FYB1: variants seen among roughly 807,000 people sequenced by gnomAD.
FYB1 encodes FYN binding protein 1.
A neutral mutation model predicts 94.1 loss-of-function variants in FYB1; 41 were observed. That is an observed-to-expected ratio of 0.44 (90% CI 0.34 to 0.57). The LOEUF is 0.57. FYB1 is among the 20% of genes least tolerant of loss of function. FYB1 has a pLI of 0.02. For synonymous variants in FYB1, 367 were observed against 353.2 expected (o/e 1.04, Z -0.44); for missense variants, 1,050 against 976.8 (o/e 1.07, Z -1.00).
chr5:39,145,660 T>A (rs1167752084), intron 3 of FYB1, among the ~76,000 whole-genome samples: 4 of 152,186 alleles, frequency 2.6e-5, no homozygotes, highest in Non-Finnish European at 5.9e-5. Flanking sequence ...TACACTGACA[T>A]TGTACAGAGT....
At chr5:39,138,617 C>A in intron 6 of FYB1, 40 bp downstream of exon 6, 1 of 1,308,628 alleles carries the variant, frequency 7.6e-7, no homozygotes, top group Non-Finnish European at 1.1e-6. Flanking sequence ...TTATATTCAT[C>A]TTTGAAGAAA....
intron 1 of FYB1, among the ~76,000 whole-genome samples, chr5:39,233,985 A>G (rs895404053): frequency 2.0e-5 from 3 of 152,164 alleles, no homozygotes; most frequent in Non-Finnish European, 4.4e-5. Context: ...TGACATTTTG[A>G]GAACCACTGC....
upstream of FYB1, among the ~76,000 whole-genome samples, chr5:39,223,583 C>T (rs1404662219): frequency 6.6e-6 from 1 of 152,194 alleles, no homozygotes; most frequent in East Asian, 1.9e-4. Flanking sequence ...ATCAAGCTAA[C>T]ACCTCAGTGC....
chr5:39,256,114 GC>G (rs1488604409), intron 1 of FYB1, among the ~76,000 whole-genome samples: 1 of 152,186 alleles, frequency 6.6e-6, no homozygotes, highest in Non-Finnish European at 1.5e-5. Context: ...ACAGATCTTA[GC>G]AATGGAAAGG....
intron 3 of FYB1, among the ~76,000 whole-genome samples, chr5:39,151,132 T>C (rs766251716): frequency 6.6e-6 from 1 of 152,124 alleles, no homozygotes; most frequent in Non-Finnish European, 1.5e-5. Flanking sequence ...TTCTATTAGG[T>C]TGGTGCAAAA....
At chr5:39,199,251 G>T (rs1036972847) in intron 2 of FYB1, among the ~76,000 whole-genome samples, 5 of 151,950 alleles carry the variant, frequency 3.3e-5, no homozygotes, top group African/African-American at 1.2e-4. Context: ...TATATAAAAT[G>T]AACATATACT....
intron 1 of FYB1, among the ~76,000 whole-genome samples, chr5:39,247,780 G>A (rs1751546262): frequency 1.3e-5 from 2 of 151,526 alleles, no homozygotes; most frequent in South Asian, 4.2e-4. Context: ...TGAGCATCTA[G>A]TATATGCCAG....
intron 1 of FYB1, chr5:39,270,712 A>G (rs892752214): frequency 1.5e-5 from 9 of 617,042 alleles, no homozygotes; most frequent in African/African-American, 7.4e-5. Context: ...ACACATTGAT[A>G]TGTGAGGCTA....
intron 2 of FYB1, chr5:39,169,202 C>A (rs1745017248): frequency 1.1e-6 from 1 of 892,454 alleles, no homozygotes; most frequent in African/African-American, 1.6e-5. Context: ...AACATCTGGG[C>A]TCAGTTCATT....
intron 1 of FYB1, chr5:39,211,028 T>G (rs541833602): frequency 4.6e-5 from 7 of 152,328 alleles, no homozygotes; most frequent in Admixed American, 2.0e-4. Flanking sequence ...TTATTCTATT[T>G]TACAATTTTT....
intron 3 of FYB1, among the ~76,000 whole-genome samples, chr5:39,141,610 C>A (rs1364231546): frequency 2.0e-5 from 3 of 152,022 alleles, no homozygotes; most frequent in Non-Finnish European, 2.9e-5. Flanking sequence ...GGCAACAGGG[C>A]AAAACACCGT....
At chr5:39,222,808 C>A (rs892842564), upstream of FYB1, among the ~76,000 whole-genome samples, 1 of 151,998 alleles carries the variant, frequency 6.6e-6, no homozygotes, top group Non-Finnish European at 1.5e-5. Flanking sequence ...AATCTTTGCT[C>A]ACAAAGGAAA....
At chr5:39,169,565 C>A (rs1580448277) in intron 2 of FYB1, 3 of 514,670 alleles carry the variant, frequency 5.8e-6, no homozygotes, top group East Asian at 9.5e-5. Context: ...CCAAGGAGGG[C>A]CAGATGCAGT....
chr5:39,153,292 C>T (rs1179873235), intron 3 of FYB1, among the ~76,000 whole-genome samples, 156 bp downstream of exon 3: 1 of 152,206 alleles, frequency 6.6e-6, no homozygotes, highest in African/African-American at 2.4e-5. Flanking sequence ...GCCAGCTTGG[C>T]CAGCTCGGCC....
chr5:39,203,525 T>C (rs1433587225), intron 1 of FYB1, among the ~76,000 whole-genome samples: 1 of 152,226 alleles, frequency 6.6e-6, no homozygotes, highest in Non-Finnish European at 1.5e-5. Flanking sequence ...ACATTGAAGT[T>C]CTGTTTGTTA....
chr5:39,252,311 T>G (rs770005442), intron 1 of FYB1, among the ~76,000 whole-genome samples: 2 of 152,222 alleles, frequency 1.3e-5, no homozygotes, highest in African/African-American at 4.8e-5. Flanking sequence ...TGTGAGCTAA[T>G]GTTTATGAAT....
intron 12 of FYB1, among the ~76,000 whole-genome samples, chr5:39,125,766 TA>T (rs1740605356): frequency 1.3e-5 from 2 of 152,172 alleles, no homozygotes; most frequent in Non-Finnish European, 2.9e-5. Context: ...GTGAAGAAAG[TA>T]AAATATATCT....
At chr5:39,246,440 G>C (rs261746) in intron 1 of FYB1, among the ~76,000 whole-genome samples, 2 of 152,166 alleles carry the variant, frequency 1.3e-5, no homozygotes, top group African/African-American at 4.8e-5. Context: ...CCTGTCATAA[G>C]GATAATTTGG....
chr5:39,256,715 T>C (rs1270683852), intron 1 of FYB1, among the ~76,000 whole-genome samples: 1 of 152,188 alleles, frequency 6.6e-6, no homozygotes, highest in African/African-American at 2.4e-5. Context: ...AGATGACTAA[T>C]TTGAGCAGTG....
Sources: gnomAD v4.1 joint callset for allele counts (sites outside exome capture counted in the v4.1 genomes callset) on GRCh38, gnomAD v4.1.1 for gene constraint, MANE v1.5 for transcripts, NCBI Gene and HGNC (gene_info 2026-07-23, HGNC 2026-07-21) for gene names.